Variants in ANK2 observed in about 807,000 individuals in gnomAD.
The protein encoded by ANK2 is ankyrin-2.
Under a neutral mutation model 360.5 loss-of-function variants are expected in ANK2, and 83 were observed. That is an observed-to-expected ratio of 0.23 (90% CI 0.19 to 0.28). The LOEUF (loss-of-function observed/expected upper bound fraction) is 0.28, where lower values mean the gene tolerates loss of function less well. Among genes scored for constraint, ANK2 ranks in the 10% least tolerant of loss-of-function variants. The pLI is 1.00. For missense variants in ANK2, 4,201 were observed against 4,795.7 expected, an observed-to-expected ratio of 0.88 and a Z score of 3.66; for synonymous variants, 1,740 against 1,759.5, an observed-to-expected ratio of 0.99 and a Z score of 0.28.
intron 2 of ANK2, among the ~76,000 whole-genome samples, chr4:113,010,483 C>T (rs747448702): frequency 7.2e-5 from 11 of 152,132 alleles, no homozygotes; most frequent in Non-Finnish European, 1.2e-4. Context: ...TGACATTGCA[C>T]TAGATGCTGG....
chr4:113,379,449 A>G (rs2097090669), intron 45 of ANK2, among the ~76,000 whole-genome samples: 1 of 152,210 alleles, frequency 6.6e-6, no homozygotes, highest in African/African-American at 2.4e-5. Context: ...TAAAGATATC[A>G]TATACATGTG....
At chr4:112,834,801 A>G (rs1009225039) in intron 1 of ANK2, among the ~76,000 whole-genome samples, 6 of 152,190 alleles carry the variant, frequency 3.9e-5, no homozygotes, top group African/African-American at 1.4e-4. Context: ...CTTGATCTTT[A>G]ATAATCAGAT....
intron 2 of ANK2, among the ~76,000 whole-genome samples, chr4:113,044,327 G>T (rs1271761849): frequency 1.3e-5 from 2 of 152,158 alleles, no homozygotes; most frequent in East Asian, 3.9e-4. Flanking sequence ...GGTTTTGTCT[G>T]CCTGTGTATT....
Position 113,354,993 on chromosome 4 carries a change from G to A in ANK2, c.6375G>A (p.Gln2125=). Residue 2125 remains glutamine (Q), a synonymous_variant, in exon 38 of 46, where the codon CAG becomes CAA. Transcript: ENST00000357077. ...MADEQGDMDL[Q]ISPDRKTSTD... ...ATGAGCAGGGAGACATGGATCTACA[G>A]ATCAGCCCAGATAGGAAAACCTCCA... 1 of 1,614,046 alleles carries A rather than the reference G, an allele frequency of 6.2e-7. No homozygotes were observed. Among genetic ancestry groups the A allele is most frequent in the African/African-American group, 1.3e-5 (1 of 75,036 alleles).
In ANK2 at chr4:113,254,013, C is replaced by A. The variant is rs1029369018; in HGVS notation, c.991-1722C>A. On this transcript the variant is annotated intron_variant, in intron 10 of 45. Transcript: ENST00000357077. ...GATCATGCCCGTTATAATCCCAACA[C>A]AATATATTTGCACTTGCCTTTTCTA... is the stretch of plus-strand genomic sequence containing the variant. 2.6e-5 allele frequency among the ~76,000 whole-genome samples: 4 copies of A among 152,268 alleles called. No homozygotes were observed. The East Asian group carries it at 7.7e-4, about 29-fold the overall frequency.
chr4:113,072,742 A>ATT (rs34098456), intron 1 of ANK2, among the ~76,000 whole-genome samples: 11,995 of 74,034 alleles, frequency 0.16, 1,161 homozygotes, highest in Non-Finnish European at 0.23. Flanking sequence ...ACTTGGCATA[A>ATT]TTTTTTTTTT....
chr4:112,788,969 C>A, the ANK2 span: 2 of 560,580 alleles, frequency 3.6e-6, no homozygotes, highest in African/African-American at 3.8e-5. Context: ...AGGGCAGGAA[C>A]CATATTTTAT....
the ANK2 span, chr4:112,738,784 C>G: frequency 1.6e-6 from 1 of 622,664 alleles, no homozygotes; most frequent in Non-Finnish European, 3.0e-6. Flanking sequence ...TGGTGGAAAC[C>G]CAGAGGTATT....
chr4:113,167,120 C>G (rs2097777165), intron 1 of ANK2, among the ~76,000 whole-genome samples: 1 of 151,920 alleles, frequency 6.6e-6, no homozygotes, highest in African/African-American at 2.4e-5. Context: ...TAAAAATTGC[C>G]TCCAGTGTGA....
intron 4 of ANK2, among the ~76,000 whole-genome samples, chr4:113,216,158 A>G (rs2099083151): frequency 6.6e-6 from 1 of 152,232 alleles, no homozygotes; most frequent in African/African-American, 2.4e-5. Flanking sequence ...AATATTTATC[A>G]TCATCTTTCA....
intron 2 of ANK2, among the ~76,000 whole-genome samples, chr4:112,996,798 C>A (rs1482316008): frequency 6.6e-6 from 1 of 151,990 alleles, no homozygotes; most frequent in African/African-American, 2.4e-5. Flanking sequence ...ACTATAGTTA[C>A]CCTGTTGTGC....
the ANK2 span, among the ~76,000 whole-genome samples, chr4:112,807,909 G>A: frequency 1.3e-5 from 2 of 152,152 alleles, no homozygotes; most frequent in African/African-American, 2.4e-5. Flanking sequence ...AAATAGAATT[G>A]GGATTTATAA....
At chr4:112,772,823 A>G in the ANK2 span, among the ~76,000 whole-genome samples, 2 of 152,060 alleles carry the variant, frequency 1.3e-5, no homozygotes, top group Admixed American at 6.6e-5. Context: ...CTTCTGCTAC[A>G]TTTGTAAATT....
chr4:113,048,339 T>C (rs1473684800), upstream of ANK2, among the ~76,000 whole-genome samples: 1 of 126,100 alleles, frequency 7.9e-6, no homozygotes, highest in Non-Finnish European at 1.6e-5. Context: ...TCACCGAGGC[T>C]GGAGTGCACT....
chr4:112,978,323 C>A (rs956103578), intron 2 of ANK2, among the ~76,000 whole-genome samples: 2 of 152,008 alleles, frequency 1.3e-5, no homozygotes, highest in Non-Finnish European at 2.9e-5. Flanking sequence ...TAATTTTGTT[C>A]CACTTTTTTG....
At chr4:112,788,717 A>C in the ANK2 span, 1 of 1,595,006 alleles carries the variant, frequency 6.3e-7, no homozygotes, top group Admixed American at 1.7e-5. Flanking sequence ...GCCATTTCAC[A>C]AAGCGGGTGA....
chr4:112,823,069 G>C (rs2057560485), intron 1 of ANK2, among the ~76,000 whole-genome samples: 1 of 152,126 alleles, frequency 6.6e-6, no homozygotes, highest in South Asian at 2.1e-4. Flanking sequence ...ACGCACATGT[G>C]AATAAATGTC....
intron 1 of ANK2, among the ~76,000 whole-genome samples, chr4:112,897,421 C>T (rs181811269): frequency 6.6e-6 from 1 of 152,252 alleles, no homozygotes; most frequent in East Asian, 1.9e-4. Flanking sequence ...TATTTGCATA[C>T]ATGGTTATAA....
At chr4:113,209,901 A>G (rs4834323) in intron 4 of ANK2, among the ~76,000 whole-genome samples, 7,607 of 150,288 alleles carry the variant, frequency 0.051, 273 homozygotes, top group Non-Finnish European at 0.069. Context: ...CAGGCCCCTC[A>G]GGAGGAAGTG....
Sources: allele counts gnomAD v4.1 joint callset (sites outside exome capture counted in the v4.1 genomes callset), GRCh38; gene constraint gnomAD v4.1.1; transcripts MANE v1.5; gene names NCBI Gene and HGNC (gene_info 2026-07-23, HGNC 2026-07-21).